The following LRFN3 variants were observed in gnomAD, a reference collection of about 807,000 sequenced individuals.
The protein encoded by LRFN3 is leucine rich repeat and fibronectin type III domain containing 3, also known as leucine-rich repeat and fibronectin type-III domain-containing protein 3.
LRFN3 carries 8 observed loss-of-function variants against 23.8 expected under a neutral mutation model. The ratio of observed to expected loss-of-function variants is 0.34; its 90% CI spans 0.20 to 0.61. The LOEUF (loss-of-function observed/expected upper bound fraction) is 0.61, where lower values mean the gene tolerates loss of function less well. Among genes scored for constraint, LRFN3 ranks in the 20% least tolerant of loss-of-function variants. The pLI is 0.80. For synonymous variants in LRFN3, 451 were observed against 450.6 expected, an observed-to-expected ratio of 1.00 and a Z score of -0.01; for missense variants, 736 against 935.3, an observed-to-expected ratio of 0.79 and a Z score of 2.78.
In LRFN3 at chr19:35,939,545, C is replaced by T. The variant is rs2145299651; in HGVS notation, c.120C>T (p.Pro40=). 6.2e-7 allele frequency: 1 copy of T among 1,608,416 alleles called. No individual in the cohort carries two copies. The highest frequency in any genetic ancestry group is 1.1e-5 in the South Asian group (1 of 91,038). Residue 40 remains proline, a synonymous_variant, in exon 2 of 3, where the codon CCC becomes CCT. Coordinates refer to ENST00000246529, the MANE Select transcript of LRFN3 (RefSeq NM_024509.2). The surrounding 1 kb of genome is among the most constrained non-coding windows in gnomAD (Gnocchi z 6.4). The stretch of plus-strand genomic sequence containing the variant: ...GCCGCTGCCAGACACAGTCGCTGCC[C>T]CTAAGCGTGCTGTGCCCAGGGGCAG... ...RRCRCQTQSL[P]LSVLCPGAGL...
At chr19:35,942,616 C>T (rs1020399418) in intron 2 of LRFN3, among the ~76,000 whole-genome samples, 3 of 152,160 alleles carry the variant, frequency 2.0e-5, no homozygotes, top group Non-Finnish European at 2.9e-5. Flanking sequence ...TCCCTTGGGG[C>T]CAACACCTCA....
In LRFN3 at chr19:35,946,194, G is replaced by A. The variant is rs1349071396; in HGVS notation, c.*1175G>A. ...AGGATGTCCAGGATGTGGCATTCAG[G>A]AGGGTGCAGGACCCCTGGTCTGAGG... On this transcript the variant is annotated 3_prime_UTR_variant, in exon 3 of 3. Transcript: ENST00000246529. Among the ~76,000 whole-genome samples, 1 of 152,038 alleles carries A rather than the reference G, an allele frequency of 6.6e-6. No homozygotes were observed. Among genetic ancestry groups the A allele is most frequent in the East Asian group, 1.9e-4 (1 of 5,192 alleles).
chr19:35,936,432 A>ACCCGGCCCG lies in LRFN3; in HGVS notation c.-1136_-1128dup, dbSNP rs1450111298. ...GCGAGGAGGCCGCGGGAGCGCCTGG[A>ACCCGGCCCG]CCCGGCCCGCCCAGCCCGGCCCCCG... On this transcript the variant is annotated 5_prime_UTR_variant, in exon 1 of 3. Coordinates refer to ENST00000246529, the MANE Select transcript of LRFN3 (RefSeq NM_024509.2). Among the ~76,000 whole-genome samples, 3 of 150,490 alleles carry ACCCGGCCCG rather than the reference A, an allele frequency of 2.0e-5. No individual in the cohort carries two copies. Among genetic ancestry groups the ACCCGGCCCG allele is most frequent in the Non-Finnish European group, 4.4e-5 (3 of 67,552 alleles).
At chr19:35,943,148 C>T (rs1026232541) in intron 2 of LRFN3, among the ~76,000 whole-genome samples, 4 of 152,158 alleles carry the variant, frequency 2.6e-5, no homozygotes, top group Admixed American at 2.6e-4. Context: ...GTACCTCTCT[C>T]ATTAGAATAG....
rs1976175769 is a variant in LRFN3 at position 35,946,120 on chromosome 19, G to A, written c.*1101G>A. On this transcript the variant is annotated 3_prime_UTR_variant, in exon 3 of 3. Transcript: ENST00000246529. ...GGACCAGGGAGGAGGAGCAGGTTTG[G>A]GAAAGATGATATGGCCAGTGGGGAA... Among the ~76,000 whole-genome samples, 1 of 152,014 alleles carries A rather than the reference G, an allele frequency of 6.6e-6. No individual in the cohort carries two copies. The highest frequency in any genetic ancestry group is 6.6e-5 in the Admixed American group (1 of 15,254).
At position 35,940,624 on chromosome 19, in the gene LRFN3, C is replaced by A. The variant is rs888412976; in HGVS notation, c.1199C>A (p.Pro400Gln). Residue 400 changes from proline to glutamine, a missense_variant, in exon 2 of 3, where the codon CCG (proline) becomes CAG (glutamine). This residue lies in a region of LRFN3 where 446 missense variants were observed against 647.9 expected (regional missense o/e 0.69). Coordinates refer to ENST00000246529, the MANE Select transcript of LRFN3 (RefSeq NM_024509.2). ...QLANSTSCDP[P>Q]RDGDPDALTP... ...GCCAACAGCACCAGCTGTGACCCCC[C>A]GCGGGACGGGGATCCTGATGCTCTC... 1.6e-5 allele frequency: 25 copies of A among 1,610,100 alleles called. No individual in the cohort carries two copies. The highest frequency in any genetic ancestry group is 2.2e-5 in the East Asian group (1 of 44,796).
rs771409851 is a variant in LRFN3 at position 35,940,553 on chromosome 19, A to G, written c.1128A>G (p.Thr376=). The change falls in exon 2 of 3, where the codon ACA becomes ACG. Residue 376 remains threonine (T), a synonymous_variant. Transcript: ENST00000246529. ...CGGCCAATGCAGCTGGCGAGGCCAC[A>G]GCTGCTGTGGAGCTGACTGTGGGTC... ...CIAANAAGEA[T]AAVELTVGPP... is the part of the protein sequence containing the mutation. 5.3e-5 allele frequency: 85 copies of G among 1,612,772 alleles called. No individual in the cohort carries two copies. The highest frequency in any genetic ancestry group is 6.9e-5 in the Non-Finnish European group (81 of 1,179,926).
Position 35,937,247 on chromosome 19 carries a change from G to T in LRFN3, c.-325G>T, listed in dbSNP as rs1310892991. On this transcript the variant is annotated 5_prime_UTR_variant, in exon 1 of 3. Coordinates refer to ENST00000246529, the MANE Select transcript of LRFN3 (RefSeq NM_024509.2). Reference sequence around the variant, plus strand: ...ATCTGAATGCAGAACCCCGGGATCGGATCTCAGACTCTAAACCCCACCGTT... The same window carrying T: ...ATCTGAATGCAGAACCCCGGGATCGTATCTCAGACTCTAAACCCCACCGTT... 1 of 152,168 alleles carries T rather than the reference G, an allele frequency of 6.6e-6. No homozygotes were observed. Among genetic ancestry groups the T allele is most frequent in the African/African-American group, 2.4e-5 (1 of 41,406 alleles). 9.4% of individuals were successfully genotyped at this position (152,168 alleles called of 1,614,324 possible).
rs1415252731 is a variant in LRFN3, at chr19:35,940,210, G to A, written c.785G>A (p.Arg262His). The A allele has an allele frequency of 3.7e-6, 6 of 1,608,838 alleles. No individual in the cohort carries two copies. Among genetic ancestry groups the A allele is most frequent in the South Asian group, 1.1e-5 (1 of 91,038 alleles). Residue 262 changes from arginine to histidine, a missense_variant, in exon 2 of 3, where the codon CGC becomes CAC. Coordinates refer to ENST00000246529, the MANE Select transcript of LRFN3 (RefSeq NM_024509.2). ...HCNCELVWLR[R>H]LAREDDLEAC... Reference sequence around the variant, plus strand: ...AACTGCGAGCTGGTGTGGCTGCGTCGCCTGGCGCGGGAGGACGACCTCGAG... The same window carrying A: ...AACTGCGAGCTGGTGTGGCTGCGTCACCTGGCGCGGGAGGACGACCTCGAG...
rs749688579 is a variant in LRFN3 at position 35,940,763 on chromosome 19, G to A, written c.1338G>A (p.Pro446=). Residue 446 remains proline, a synonymous_variant, in exon 2 of 3, where the codon CCG becomes CCA. Transcript: ENST00000246529. The part of the protein sequence containing the change: ...HGATAALVQW[P]DQRPIPGIRM... ...CCACAGCTGCTCTTGTCCAGTGGCC[G>A]GATCAGCGGCCTATCCCGGGCATCC... 15 of 1,612,206 alleles carry A rather than the reference G, an allele frequency of 9.3e-6. No homozygotes were observed. Among genetic ancestry groups the A allele is most frequent in the South Asian group, 3.3e-5 (3 of 90,990 alleles).
rs765901431 is a variant in LRFN3 at position 35,940,227 on chromosome 19, G to C, written c.802G>C (p.Asp268His). 6.2e-7 allele frequency: 1 copy of C among 1,607,788 alleles called. No homozygotes were observed. The highest frequency in any genetic ancestry group is 8.5e-7 in the Non-Finnish European group (1 of 1,179,402). ...VWLRRLARED[D>H]LEACASPPAL... ...GCTGCGTCGCCTGGCGCGGGAGGAC[G>C]ACCTCGAGGCCTGCGCGTCCCCACC... The change falls in exon 2 of 3, where the codon GAC becomes CAC. Residue 268 changes from aspartate to histidine, a missense_variant. By Grantham distance (81) the Asp-to-His change is moderately conservative (BLOSUM62 -1). Around this residue, in one of 2 missense-constraint regions of LRFN3, gnomAD observed 446 missense variants for 647.9 expected, o/e 0.69. Coordinates refer to ENST00000246529, the MANE Select transcript of LRFN3 (RefSeq NM_024509.2).
Position 35,939,932 on chromosome 19 carries a change from G to A in LRFN3, c.507G>A (p.Glu169=). The A allele has an allele frequency of 1.9e-6, 3 of 1,606,148 alleles. No homozygotes were observed. The South Asian group carries it at 3.3e-5, about 18-fold the overall frequency. ...TCGACCTCTCCTACAACAACCTCGA[G>A]CAGCTGCCCTGGGAGGCCCTGGGCC... ...EDLDLSYNNL[E]QLPWEALGRL... is the part of the protein sequence containing the mutation. The change falls in exon 2 of 3, where the codon GAG becomes GAA. Residue 169 remains glutamate, a synonymous_variant. Coordinates refer to ENST00000246529, the MANE Select transcript of LRFN3 (RefSeq NM_024509.2). This position sits in a 1 kb window ranked among gnomAD's most constrained non-coding sequence, Gnocchi z 6.4.
chr19:35,942,716 G>A (rs535023760), intron 2 of LRFN3, among the ~76,000 whole-genome samples: 4 of 152,252 alleles, frequency 2.6e-5, no homozygotes, highest in South Asian at 2.1e-4. Flanking sequence ...AAGATTGCAC[G>A]GAAGTCCTGC....
rs1976066040 is a variant in LRFN3, at chr19:35,937,101, A to G, written c.-471A>G. On this transcript the variant is annotated 5_prime_UTR_variant, in exon 1 of 3. Transcript: ENST00000246529. ...CCTGGGATTCAGGCCTCAAATTCCA[A>G]GATCTGGACTGTGGGATTCCAAGGG... 1.3e-5 allele frequency: 2 copies of G among 152,210 alleles called. No individual in the cohort carries two copies. Among genetic ancestry groups the G allele is most frequent in the Non-Finnish European group, 2.9e-5 (2 of 68,018 alleles). 9.4% of individuals were successfully genotyped at this position (152,210 alleles called of 1,614,324 possible).
At chr19:35,943,757 A>G (rs553454486) in intron 2 of LRFN3, among the ~76,000 whole-genome samples, 1 of 152,118 alleles carries the variant, frequency 6.6e-6, no homozygotes, top group Non-Finnish European at 1.5e-5. Context: ...TGGAGAGATG[A>G]CTGGCAGTGG....
At chr19:35,938,277 C>G (rs563502283) in intron 1 of LRFN3, among the ~76,000 whole-genome samples, 1 of 152,212 alleles carries the variant, frequency 6.6e-6, no homozygotes, top group Admixed American at 6.5e-5. Context: ...CTCTGGCCAC[C>G]TCTCCTCTCT....
rs753980376 is a variant in LRFN3, at chr19:35,944,897, G to A, written c.1765G>A (p.Ala589Thr). Residue 589 changes from alanine (A) to threonine (T), a missense_variant, in exon 3 of 3, where the codon GCC (alanine) becomes ACC (threonine). This residue lies in a region of LRFN3 where 290 missense variants were observed against 287.4 expected (regional missense o/e 1.01). Transcript: ENST00000246529. The surrounding 1 kb of genome is among the most constrained non-coding windows in gnomAD (Gnocchi z 4.5). ...CAGCGTTTGCTCCCAGACCAACGGC[G>A]CCCTGGGCCCCACGCCCACGCCCGC... ...VSSVCSQTNG[A>T]LGPTPTPAPP... 3.1e-6 allele frequency: 5 copies of A among 1,590,232 alleles called. No homozygotes were observed. The highest frequency in any genetic ancestry group is 3.4e-5 in the Admixed American group (2 of 59,358).
At chr19:35,937,857 C>T (rs1976074276) in intron 1 of LRFN3, among the ~76,000 whole-genome samples, 1 of 152,184 alleles carries the variant, frequency 6.6e-6, no homozygotes, top group Non-Finnish European at 1.5e-5. Flanking sequence ...GTCCACCACT[C>T]CTCTCTCTGG....
At position 35,944,271 on chromosome 19, in the gene LRFN3, G is replaced by A. The variant is rs1281875757; in HGVS notation, c.1416-277G>A. Among the ~76,000 whole-genome samples the A allele has an allele frequency of 1.3e-5, 2 of 152,214 alleles. No individual in the cohort carries two copies. Among genetic ancestry groups the A allele is most frequent in the African/African-American group, 4.8e-5 (2 of 41,452 alleles). On this transcript the variant is annotated intron_variant, in intron 2 of 2. Coordinates refer to ENST00000246529, the MANE Select transcript of LRFN3 (RefSeq NM_024509.2). The surrounding 1 kb of genome is among the most constrained non-coding windows in gnomAD (Gnocchi z 4.5). ...GGTGAGCTGTTAGAGAAATTGGGTG[G>A]TGGGACTAGAGTGAAAATGGGCAGC...
Sources: allele counts gnomAD v4.1 joint callset (sites outside exome capture counted in the v4.1 genomes callset), GRCh38; gene constraint gnomAD v4.1.1; regional missense constraint gnomAD v4.1.1; non-coding constraint Gnocchi (gnomAD v3.1); transcripts MANE v1.5; gene names NCBI Gene and HGNC (gene_info 2026-07-23, HGNC 2026-07-21).